The following ZNF605 variants were observed in gnomAD, a reference collection of about 807,000 sequenced individuals.
ZNF605 encodes the protein zinc finger protein 605.
ZNF605 carries 9 observed loss-of-function variants against 7.9 expected under a neutral mutation model. The observed-to-expected ratio is 1.14, with a 90% CI of 0.68 to 1.98. The LOEUF is 1.98. Ranked by LOEUF, ZNF605 falls within the 30% of genes most tolerant of loss-of-function variation. The probability of loss-of-function intolerance (pLI) is 0.00; values close to 1 mark genes in which losing one functional copy is unlikely to be tolerated. For synonymous variants in ZNF605, 255 were observed against 260.1 expected (o/e 0.98, Z 0.19); for missense variants, 673 against 762.4 (o/e 0.88, Z 1.38).
At chr12:132,945,552 G>A (rs2003123) in intron 3 of ZNF605, 69 bp downstream of exon 3, 17,512 of 414,534 alleles carry the variant, frequency 0.042, 2,097 homozygotes, top group African/African-American at 0.075. Flanking sequence ...TCATGAAACA[G>A]AGGATAAACC....
At chr12:132,948,791 G>C (rs1255042260) in intron 1 of ZNF605, among the ~76,000 whole-genome samples, 1 of 152,248 alleles carries the variant, frequency 6.6e-6, no homozygotes, top group Non-Finnish European at 1.5e-5. Flanking sequence ...ACGTACCCCA[G>C]AGGCTGAGGA....
rs1952513437 is a variant in ZNF605, at chr12:132,948,130, G to A, written c.-163+18C>T. ...TGAACTCAAAAAGCACCACATCCTGGTACACACGAATGCTCACACTTTACA... is the reference window on the plus strand; with the variant it reads ...TGAACTCAAAAAGCACCACATCCTGATACACACGAATGCTCACACTTTACA... On this transcript the variant is annotated intron_variant, in intron 2 of 4. Coordinates refer to ENST00000360187, the MANE Select transcript of ZNF605 (RefSeq NM_183238.4). 4 of 152,212 alleles carry A rather than the reference G, an allele frequency of 2.6e-5. No individual in the cohort carries two copies. The South Asian group carries it at 8.3e-4, about 32-fold the overall frequency. 9.4% of individuals were successfully genotyped at this position (152,212 alleles called of 1,614,324 possible).
At chr12:132,931,966 T>C (rs991107864) in intron 4 of ZNF605, among the ~76,000 whole-genome samples, 1 of 152,196 alleles carries the variant, frequency 6.6e-6, no homozygotes, top group Admixed American at 6.5e-5. Context: ...AGAGACAGGG[T>C]CTCACTCTGT....
Position 132,942,445 on chromosome 12 carries a change from A to G in ZNF605, c.15+3176T>C, listed in dbSNP as rs565208288. Among the ~76,000 whole-genome samples the G allele has an allele frequency of 1.9e-4, 29 of 152,282 alleles. 1 individual carries two copies. The South Asian group carries it at 3.9e-3, about 21-fold the overall frequency. ...CTCCTCCAGAGACTGTCCACACTTG[A>G]TAAGGTGGGACTAACAAACTCATGT... On this transcript the variant is annotated intron_variant, in intron 3 of 4. Transcript: ENST00000360187.
intron 3 of ZNF605, among the ~76,000 whole-genome samples, chr12:132,936,894 T>G (rs1281777290): frequency 6.6e-6 from 1 of 152,200 alleles, no homozygotes; most frequent in East Asian, 1.9e-4. Flanking sequence ...ACTTTTGCTC[T>G]GTGAAAGACA....
chr12:132,927,100 C>T lies in ZNF605; in HGVS notation c.199G>A (p.Glu67Lys). ...RDNQDNLKSM[E>K]RGHKYDVFGK... ...AAAACATCATATTTATGGCCTCTCT[C>T]CATACTTTTAAGGTTGTCTTGATTA... is the stretch of plus-strand genomic sequence containing the variant. The change falls in exon 5 of 5, where the codon GAG becomes AAG. Residue 67 changes from glutamate (E) to lysine (K), a missense_variant. Transcript: ENST00000360187. 4 of 1,596,750 alleles carry T rather than the reference C, an allele frequency of 2.5e-6. No individual in the cohort carries two copies. Among genetic ancestry groups the T allele is most frequent in the Non-Finnish European group, 3.4e-6 (4 of 1,178,980 alleles).
At chr12:132,950,500 G>A (rs1952546730) in intron 1 of ZNF605, among the ~76,000 whole-genome samples, 1 of 150,382 alleles carries the variant, frequency 6.6e-6, no homozygotes, top group Admixed American at 6.6e-5. Flanking sequence ...CACACGTACA[G>A]ACATGCGCAG....
chr12:132,954,424 GGGGGAGGAGAAGGGTAGGGA>G (rs1372458538), intron 1 of ZNF605, among the ~76,000 whole-genome samples: 3 of 43,682 alleles, frequency 6.9e-5, no homozygotes, highest in African/African-American at 1.1e-4. Flanking sequence ...TGAGAAGGAT[GGGGGAGGAGAAGGGTAGGGA>G]GGGGAGGAGA....
intron 3 of ZNF605, among the ~76,000 whole-genome samples, chr12:132,936,707 T>G (rs1390777588): frequency 1.3e-5 from 2 of 152,174 alleles, no homozygotes; most frequent in Admixed American, 6.5e-5. Context: ...TCACACCTTA[T>G]ATCAAAACTA....
intron 1 of ZNF605, among the ~76,000 whole-genome samples, chr12:132,948,908 T>C (rs1009328329): frequency 3.3e-4 from 50 of 152,276 alleles, no homozygotes; most frequent in African/African-American, 1.1e-3. Flanking sequence ...CGGGGACCAG[T>C]GTAGCTCACG....
chr12:132,942,861 C>T (rs1017075082), intron 3 of ZNF605, among the ~76,000 whole-genome samples: 2 of 152,216 alleles, frequency 1.3e-5, no homozygotes, highest in Non-Finnish European at 2.9e-5. Flanking sequence ...GAGGTGACTG[C>T]TGAGGCCATG....
intron 3 of ZNF605, among the ~76,000 whole-genome samples, chr12:132,943,650 T>C (rs1952468724): frequency 6.6e-6 from 1 of 152,182 alleles, no homozygotes; most frequent in Non-Finnish European, 1.5e-5. Flanking sequence ...TTCCCCACTT[T>C]GACTCAGTAC....
chr12:132,949,809 G>A (rs1049621610), intron 1 of ZNF605, among the ~76,000 whole-genome samples: 37 of 152,326 alleles, frequency 2.4e-4, no homozygotes, highest in African/African-American at 7.7e-4. Flanking sequence ...CACTGAGGTA[G>A]GAGGAATTCC....
chr12:132,934,762 G>T (rs751077783), intron 3 of ZNF605, among the ~76,000 whole-genome samples: 1 of 147,774 alleles, frequency 6.8e-6, no homozygotes, highest in South Asian at 2.1e-4. Flanking sequence ...ATTTAAAAAT[G>T]AGTAGAAAAA....
At position 132,924,218 on chromosome 12, in the gene ZNF605, C is replaced by G. The variant is rs192429857; in HGVS notation, c.*1155G>C. The G allele has an allele frequency of 3.3e-5, 5 of 152,254 alleles. No individual in the cohort carries two copies. Among genetic ancestry groups the G allele is most frequent in the African/African-American group, 1.2e-4 (5 of 41,542 alleles). 9.4% of individuals were successfully genotyped at this position (152,254 alleles called of 1,614,324 possible). On this transcript the variant is annotated 3_prime_UTR_variant, in exon 5 of 5. Transcript: ENST00000360187. ...CATAACACATTAGTTTTTTTGGATG[C>G]CGGACACTGTAGGTCCAGAGTAGCT...
Position 132,925,331 on chromosome 12 carries a change from C to A in ZNF605, c.*42G>T. 7.0e-7 allele frequency: 1 copy of A among 1,436,682 alleles called. No homozygotes were observed. Among genetic ancestry groups the A allele is most frequent in the South Asian group, 1.4e-5 (1 of 73,306 alleles). The allele number at this position is 1,436,682 out of a possible 1,614,324, so 89.0% of individuals were successfully genotyped here. A position where few individuals can be genotyped will look rare whatever the true frequency, so the allele number is the denominator to read the frequency against. ...TCCTCAAAAGTGTCAGAAAGTATGA[C>A]ACTTGATAGCAACCTTTCTGCATTC... On this transcript the variant is annotated 3_prime_UTR_variant, in exon 5 of 5. Coordinates refer to ENST00000360187, the MANE Select transcript of ZNF605 (RefSeq NM_183238.4).
rs1952223852 is a variant in ZNF605, at chr12:132,923,831, C to T, written c.*1542G>A. On this transcript the variant is annotated 3_prime_UTR_variant, in exon 5 of 5. Transcript: ENST00000360187. The stretch of plus-strand genomic sequence containing the variant: ...TGGGACTCCAGTTAAACATATATTA[C>T]ACTACTGTAATGGTTTTCCTATTCT... 6.6e-6 allele frequency: 1 copy of T among 152,154 alleles called. No homozygotes were observed. Among genetic ancestry groups the T allele is most frequent in the African/African-American group, 2.4e-5 (1 of 41,428 alleles). The allele number at this position is 152,154 out of a possible 1,614,324, so 9.4% of individuals were successfully genotyped here.
intron 1 of ZNF605, among the ~76,000 whole-genome samples, chr12:132,951,447 T>G (rs1462979937): frequency 6.7e-6 from 1 of 149,634 alleles, no homozygotes; most frequent in Non-Finnish European, 1.5e-5. Context: ...ACGTATCTCA[T>G]ACATATACAC....
intron 3 of ZNF605, among the ~76,000 whole-genome samples, chr12:132,939,128 G>A (rs1593591580): frequency 6.6e-6 from 1 of 152,058 alleles, no homozygotes; most frequent in Non-Finnish European, 1.5e-5. Flanking sequence ...CCCAAGGGCT[G>A]AGGAATGCGA....
Sources: allele counts gnomAD v4.1 joint callset (sites outside exome capture counted in the v4.1 genomes callset), GRCh38; gene constraint gnomAD v4.1.1; transcripts MANE v1.5; gene names NCBI Gene and HGNC (gene_info 2026-07-23, HGNC 2026-07-21).